The following MAST1 variants were observed in gnomAD, a reference collection of about 807,000 sequenced individuals.
MAST1 encodes microtubule-associated serine/threonine-protein kinase 1.
Under a neutral mutation model 124.6 loss-of-function variants are expected in MAST1, and 40 were observed. The observed-to-expected ratio is 0.32, with a 90% CI of 0.25 to 0.42. The LOEUF (loss-of-function observed/expected upper bound fraction) is 0.42. Ranked by LOEUF, MAST1 falls within the 10% of genes least tolerant of loss-of-function variation. The pLI, the probability that MAST1 is intolerant of heterozygous loss-of-function variation, is 1.00. For missense variants in MAST1, 1,558 were observed against 2,181.9 expected (o/e 0.71, Z 5.70); for synonymous variants, 938 against 939.4 (o/e 1.00, Z 0.03).
Position 12,858,545 on chromosome 19 carries a change from T to TGCGGCACCGCGACAC in MAST1, c.1179_1193dup (p.His393_Arg397dup). The TGCGGCACCGCGACAC allele has an allele frequency of 6.2e-7, 1 of 1,614,212 alleles. No homozygotes were observed. The highest frequency in any genetic ancestry group is 1.1e-5 in the South Asian group (1 of 91,088). ...TCCCCCTGCAGCGCTGTCTACCTGG[T>TGCGGCACCGCGACAC]GCGGCACCGCGACACGCGGCAGCGC... is the stretch of plus-strand genomic sequence containing the variant. On this transcript the variant is annotated inframe_insertion, in exon 12 of 26. Transcript: ENST00000251472.
chr19:12,867,017 T>G (rs1030816282), intron 18 of MAST1, among the ~76,000 whole-genome samples: 2 of 135,950 alleles, frequency 1.5e-5, no homozygotes. Context: ...CGGGGCTAGG[T>G]GTGGGTGGGG....
rs1003059174 is a variant in MAST1 at position 12,866,933 on chromosome 19, T to C, written c.2139+171T>C. On this transcript the variant is annotated intron_variant, in intron 18 of 25. Transcript: ENST00000251472. The surrounding 1 kb of genome is among the most constrained non-coding windows in gnomAD (Gnocchi z 5.2). Reference sequence around the variant, plus strand: ...CGCAAGAGGCAGGTTCGGGAGTCTATGGGACGGGCCTTTGGCACTGAGTGG... The same window carrying C: ...CGCAAGAGGCAGGTTCGGGAGTCTACGGGACGGGCCTTTGGCACTGAGTGG... 6.9e-6 allele frequency among the ~76,000 whole-genome samples: 1 copy of C among 145,730 alleles called. No individual in the cohort carries two copies. The highest frequency in any genetic ancestry group is 2.6e-5 in the African/African-American group (1 of 38,776).
In MAST1 at chr19:12,865,179, G is replaced by C; in HGVS notation, c.1638+1G>C. 6.2e-7 allele frequency: 1 copy of C among 1,613,814 alleles called. No individual in the cohort carries two copies. Among genetic ancestry groups the C allele is most frequent in the South Asian group, 1.1e-5 (1 of 91,064 alleles). On this transcript the variant is annotated splice_donor_variant, in intron 14 of 25. Coordinates refer to ENST00000251472, the MANE Select transcript of MAST1 (RefSeq NM_014975.3). LOFTEE classifies it high-confidence loss of function. The surrounding 1 kb of genome is among the most constrained non-coding windows in gnomAD (Gnocchi z 7.1). The stretch of plus-strand genomic sequence containing the variant: ...CGCCCGAGAGTTCCTGGACAAACAG[G>C]TGTGTGTGCGGGCATGGGGGTCGCT...
At position 12,868,103 on chromosome 19, in the gene MAST1, A is replaced by ATTTTTTTTTT. The variant is rs34988246; in HGVS notation, c.2566+140_2566+149dup. On this transcript the variant is annotated intron_variant, in intron 20 of 25. Transcript: ENST00000251472. ...GGTCCTATTCACATTGCAATTTGGG[A>ATTTTTTTTTT]TTTTTTTTTTTTTTTTTTTTTTTGA... The ATTTTTTTTTT allele has an allele frequency of 6.0e-4, 193 of 322,106 alleles. 2 individuals are homozygous for ATTTTTTTTTT. Among genetic ancestry groups the ATTTTTTTTTT allele is most frequent in the Middle Eastern group, 2.3e-3 (3 of 1,278 alleles). 20.0% of individuals were successfully genotyped at this position (322,106 alleles called of 1,614,324 possible).
At chr19:12,867,709 A>T in intron 19 of MAST1, 21 bp from the exon 20 acceptor site, 1 of 1,531,496 alleles carries the variant, frequency 6.5e-7, no homozygotes, top group South Asian at 1.2e-5. Context: ...TGTCTTCCAT[A>T]ACCACGCCCC....
At position 12,869,280 on chromosome 19, in the gene MAST1, C is replaced by T. The variant is rs1212687865; in HGVS notation, c.2988C>T (p.Val996=). The change falls in exon 22 of 26, where the codon GTC becomes GTT. Residue 996 remains valine, a synonymous_variant. Transcript: ENST00000251472. ...TGGGTGACACGGATGTCTATAGTGT[C>T]CACCACATTGTCTGGGTGAGTACTC... is the stretch of plus-strand genomic sequence containing the variant. ...VYMGDTDVYS[V]HHIVWHVEEG... is the part of the protein sequence containing the mutation. 3.1e-6 allele frequency: 5 copies of T among 1,613,776 alleles called. No homozygotes were observed. In the Admixed American group the frequency reaches 6.7e-5, roughly 22 times the overall value.
rs1022674776 is a variant in MAST1 at position 12,841,698 on chromosome 19, G to T, written c.248+632G>T. Among the ~76,000 whole-genome samples the T allele has an allele frequency of 6.6e-6, 1 of 152,162 alleles. No individual in the cohort carries two copies. The highest frequency in any genetic ancestry group is 2.4e-5 in the African/African-American group (1 of 41,418). Reference sequence around the variant, plus strand: ...TGTCTAAACACCTGCTATGTTCTTAGGAGCTGGGCGTATGGGGTCAATGAC... The same window carrying T: ...TGTCTAAACACCTGCTATGTTCTTATGAGCTGGGCGTATGGGGTCAATGAC... On this transcript the variant is annotated intron_variant, in intron 3 of 25. Transcript: ENST00000251472. This position sits in a 1 kb window ranked among gnomAD's most constrained non-coding sequence, Gnocchi z 4.3.
chr19:12,859,793 C>T (rs950658714), intron 12 of MAST1, among the ~76,000 whole-genome samples: 1 of 150,528 alleles, frequency 6.6e-6, no homozygotes, highest in African/African-American at 2.4e-5. Context: ...CCATTGCACT[C>T]CAGCCCTGGC....
intron 4 of MAST1, among the ~76,000 whole-genome samples, chr19:12,845,040 G>C (rs1407903433): frequency 6.6e-6 from 1 of 152,138 alleles, no homozygotes; most frequent in Non-Finnish European, 1.5e-5. Context: ...GGTGGCTCAT[G>C]CCTATAATCC....
Position 12,847,665 on chromosome 19 carries a change from T to C in MAST1, c.542T>C (p.Val181Ala). The change falls in exon 6 of 26, where the codon GTC (valine) becomes GCC (alanine). Residue 181 changes from valine to alanine, a missense_variant. Around this residue, in one of 10 missense-constraint regions of MAST1, gnomAD observed 165 missense variants for 315.3 expected, o/e 0.52. Coordinates refer to ENST00000251472, the MANE Select transcript of MAST1 (RefSeq NM_014975.3). This position sits in a 1 kb window ranked among gnomAD's most constrained non-coding sequence, Gnocchi z 5.5. Reference protein sequence around the residue: ...YDNEIVMMNHVYKERFPKATA... With the variant: ...YDNEIVMMNHAYKERFPKATA... ...AACGAGATCGTGATGATGAATCACG[T>C]CTACAAGGAGAGGTTCCCGAAGGTG... 6.2e-7 allele frequency: 1 copy of C among 1,613,276 alleles called. No individual in the cohort carries two copies. The highest frequency in any genetic ancestry group is 8.5e-7 in the Non-Finnish European group (1 of 1,179,818).
At chr19:12,859,984 G>A (rs574208481) in intron 12 of MAST1, among the ~76,000 whole-genome samples, 38 of 150,930 alleles carry the variant, frequency 2.5e-4, no homozygotes, top group African/African-American at 9.0e-4. Context: ...TTACAGGCAC[G>A]AGCCACCGAG....
In MAST1 at chr19:12,871,115, A is replaced by T; in HGVS notation, c.3206A>T (p.Tyr1069Phe). Residue 1069 changes from tyrosine (Y) to phenylalanine (F), a missense_variant, in exon 24 of 26, where the codon TAC (tyrosine) becomes TTC (phenylalanine). Physicochemically the swap from Tyr to Phe is conservative, Grantham distance 22 (BLOSUM62 3). This residue lies in a region of MAST1 where 291 missense variants were observed against 475.8 expected (regional missense o/e 0.61). Transcript: ENST00000251472. ...ATTGGTCCCGCAAGGCGCAGCAGCT[A>T]CAAGGCTAAAATGGCTCGGAGGAAC... is the stretch of plus-strand genomic sequence containing the variant. ...IRIGPARRSS[Y>F]KAKMARRNKR... 1 of 1,614,234 alleles carries T rather than the reference A, an allele frequency of 6.2e-7. No individual in the cohort carries two copies. Among genetic ancestry groups the T allele is most frequent in the Non-Finnish European group, 8.5e-7 (1 of 1,180,042 alleles).
chr19:12,873,126 G>T, intron 24 of MAST1, 198 bp from the exon 25 acceptor site: 1 of 600,234 alleles, frequency 1.7e-6, no homozygotes, highest in South Asian at 2.0e-5. Context: ...GTGGCCAAAG[G>T]GGGTGGGTGG....
chr19:12,847,373 C>T lies in MAST1; in HGVS notation c.411C>T (p.Phe137=), dbSNP rs1175795481. 1 of 1,613,708 alleles carries T rather than the reference C, an allele frequency of 6.2e-7. No individual in the cohort carries two copies. Among genetic ancestry groups the T allele is most frequent in the Non-Finnish European group, 8.5e-7 (1 of 1,180,002 alleles). Residue 137 remains phenylalanine (F), a synonymous_variant, in exon 5 of 26, where the codon TTC becomes TTT. Coordinates refer to ENST00000251472, the MANE Select transcript of MAST1 (RefSeq NM_014975.3). The surrounding 1 kb of genome is among the most constrained non-coding windows in gnomAD (Gnocchi z 5.5). ...VDELHFLSKH[F]GSTESITDED... is the part of the protein sequence containing the mutation. Reference sequence around the variant, plus strand: ...AGCTCCACTTCCTCTCCAAACACTTCGGGAGCACCGAGAGCATCACAGACG... The same window carrying T: ...AGCTCCACTTCCTCTCCAAACACTTTGGGAGCACCGAGAGCATCACAGACG...
Position 12,874,632 on chromosome 19 carries a change from G to T in MAST1, c.4475G>T (p.Ser1492Ile). 1 of 1,520,658 alleles carries T rather than the reference G, an allele frequency of 6.6e-7. No individual in the cohort carries two copies. 94.2% of individuals were successfully genotyped at this position (1,520,658 alleles called of 1,614,324 possible). Residue 1492 changes from serine (S) to isoleucine (I), a missense_variant, in exon 26 of 26, where the codon AGC (serine) becomes ATC (isoleucine). Ser to Ile is a moderately radical substitution (Grantham distance 142). This residue lies in a region of MAST1 where 168 missense variants were observed against 154.3 expected (regional missense o/e 1.09). Coordinates refer to ENST00000251472, the MANE Select transcript of MAST1 (RefSeq NM_014975.3). This position sits in a 1 kb window ranked among gnomAD's most constrained non-coding sequence, Gnocchi z 6.6. ...GTGGTGGAGGAGCGCACCACGCTGA[G>T]CGGTCCTCGCTCCAAGCCCGCCTCC... ...LEVVEERTTLSGPRSKPASPK... is the reference protein window; with the variant it reads ...LEVVEERTTLIGPRSKPASPK...
chr19:12,869,540 T>G (rs1196121364), intron 22 of MAST1, among the ~76,000 whole-genome samples: 1 of 152,082 alleles, frequency 6.6e-6, no homozygotes, highest in Non-Finnish European at 1.5e-5. Context: ...TTCAAGCCAT[T>G]CTCCTGCCTC....
At position 12,865,588 on chromosome 19, in the gene MAST1, A is replaced by G; in HGVS notation, c.1804+107A>G. 6.8e-7 allele frequency: 1 copy of G among 1,478,330 alleles called. No homozygotes were observed. Among genetic ancestry groups the G allele is most frequent in the Non-Finnish European group, 9.2e-7 (1 of 1,090,092 alleles). 91.6% of individuals were successfully genotyped at this position (1,478,330 alleles called of 1,614,324 possible). On this transcript the variant is annotated intron_variant, in intron 15 of 25. Coordinates refer to ENST00000251472, the MANE Select transcript of MAST1 (RefSeq NM_014975.3). This position sits in a 1 kb window ranked among gnomAD's most constrained non-coding sequence, Gnocchi z 7.1. ...AGCGACCCCCCAGAGGATCGCTTGC[A>G]CTCAGGAGGTCAAGGCTGCAGTGAG... is the stretch of plus-strand genomic sequence containing the variant.
intron 7 of MAST1, among the ~76,000 whole-genome samples, chr19:12,850,133 G>T (rs10420014): frequency 0.24 from 36,861 of 152,036 alleles, 5,181 homozygotes; most frequent in East Asian, 0.61. Context: ...CTATGGGCCT[G>T]GCACTAGCCT....
At chr19:12,846,870 CAAAAA>C (rs386388580) in intron 4 of MAST1, among the ~76,000 whole-genome samples, 4 of 47,386 alleles carry the variant, frequency 8.4e-5, no homozygotes, top group South Asian at 1.0e-3. Flanking sequence ...AACTCCATCT[CAAAAA>C]AAAAAAAAAA....
Sources: gnomAD v4.1 joint callset for allele counts (sites outside exome capture counted in the v4.1 genomes callset) on GRCh38, gnomAD v4.1.1 for gene constraint, gnomAD v4.1.1 regional missense constraint, Gnocchi (gnomAD v3.1) non-coding constraint, MANE v1.5 for transcripts, NCBI Gene and HGNC (gene_info 2026-07-23, HGNC 2026-07-21) for gene names.